The following GRIK1 variants were observed in gnomAD, a reference collection of about 807,000 sequenced individuals.
GRIK1 encodes the protein glutamate ionotropic receptor kainate type subunit 1.
In GRIK1, 69 loss-of-function variants were observed where a neutral mutation model predicts 105.7. The observed-to-expected ratio is 0.65, with a 90% CI of 0.54 to 0.80. The LOEUF (loss-of-function observed/expected upper bound fraction) is 0.80, where lower values mean the gene tolerates loss of function less well. Among genes scored for constraint, GRIK1 ranks in the 30% least tolerant of loss-of-function variants. The pLI, the probability that GRIK1 is intolerant of heterozygous loss-of-function variation, is 0.00. For missense variants in GRIK1, 1,109 were observed against 1,167.3 expected (o/e 0.95, Z 0.73); for synonymous variants, 438 against 431.3 (o/e 1.02, Z -0.19).
chr21:29,675,351 C>T (rs2063245349), intron 3 of GRIK1, among the ~76,000 whole-genome samples: 1 of 152,064 alleles, frequency 6.6e-6, no homozygotes, highest in Admixed American at 6.6e-5. Flanking sequence ...TTACCACCCA[C>T]CTGCTTTGCA....
intron 7 of GRIK1, among the ~76,000 whole-genome samples, chr21:29,638,430 C>T (rs1237021833): frequency 1.3e-5 from 2 of 152,178 alleles, no homozygotes; most frequent in African/African-American, 4.8e-5. Context: ...GGGTACCCCA[C>T]TCCACACGTG....
Position 29,591,231 on chromosome 21 carries a change from C to T in GRIK1, c.1252-6G>A. The T allele has an allele frequency of 1.3e-6, 2 of 1,502,770 alleles. No individual in the cohort carries two copies. Among genetic ancestry groups the T allele is most frequent in the Non-Finnish European group, 1.9e-6 (2 of 1,078,444 alleles). 93.1% of individuals were successfully genotyped at this position (1,502,770 alleles called of 1,614,324 possible). Reference sequence around the variant, plus strand: ...TTGGAATTCCAAATCCCAATCTACACAGAACACAGTACATCAGAGGCTGCT... The same window carrying T: ...TTGGAATTCCAAATCCCAATCTACATAGAACACAGTACATCAGAGGCTGCT... On this transcript the variant is annotated splice_region_variant and splice_polypyrimidine_tract_variant and intron_variant, in intron 9 of 17. Coordinates refer to ENST00000327783, the MANE Select transcript of GRIK1 (RefSeq NM_001330994.2).
At chr21:29,880,388 T>C (rs1302612204) in intron 1 of GRIK1, among the ~76,000 whole-genome samples, 1 of 152,152 alleles carries the variant, frequency 6.6e-6, no homozygotes, top group African/African-American at 2.4e-5. Flanking sequence ...TCTGGCAAGA[T>C]AGCAAATTCC....
At chr21:29,817,777 G>T (rs1364675847) in intron 1 of GRIK1, among the ~76,000 whole-genome samples, 1 of 152,108 alleles carries the variant, frequency 6.6e-6, no homozygotes, top group Non-Finnish European at 1.5e-5. Flanking sequence ...TGGTATTTAA[G>T]GGTTGTTTGT....
chr21:29,786,695 T>C (rs1265692640), intron 1 of GRIK1, among the ~76,000 whole-genome samples: 3 of 152,208 alleles, frequency 2.0e-5, no homozygotes, highest in Non-Finnish European at 4.4e-5. Flanking sequence ...TTGATGACTG[T>C]AGCACATGGA....
intron 16 of GRIK1, among the ~76,000 whole-genome samples, chr21:29,542,794 C>T (rs1427521122): frequency 1.3e-5 from 2 of 152,180 alleles, no homozygotes; most frequent in Non-Finnish European, 2.9e-5. Context: ...TCTGGCCTAG[C>T]CAATAATACA....
intron 14 of GRIK1, among the ~76,000 whole-genome samples, chr21:29,570,892 T>C (rs146043950): frequency 6.8e-6 from 1 of 147,582 alleles, no homozygotes; most frequent in East Asian, 2.2e-4. Flanking sequence ...AGGATGTCCA[T>C]TAAAGTTTCA....
chr21:29,666,259 T>C (rs2063057291), intron 4 of GRIK1, among the ~76,000 whole-genome samples: 1 of 152,044 alleles, frequency 6.6e-6, no homozygotes, highest in African/African-American at 2.4e-5. Context: ...CAACATTAGC[T>C]GGGCGTTGTG....
chr21:29,642,812 G>T lies in GRIK1; in HGVS notation c.1098+14C>A, dbSNP rs1434746968. On this transcript the variant is annotated intron_variant, in intron 7 of 17. Coordinates refer to ENST00000327783, the MANE Select transcript of GRIK1 (RefSeq NM_001330994.2). ...CTCAGAAGGGCCCCTGGGCTGTGAGGGAGCATCACTTGCCTCTTTGATCAG... is the reference window on the plus strand; with the variant it reads ...CTCAGAAGGGCCCCTGGGCTGTGAGTGAGCATCACTTGCCTCTTTGATCAG... The T allele has an allele frequency of 1.4e-5, 23 of 1,613,402 alleles. No homozygotes were observed. The highest frequency in any genetic ancestry group is 1.8e-5 in the Non-Finnish European group (21 of 1,179,382).
chr21:29,573,571 C>T (rs1011209013), intron 14 of GRIK1, among the ~76,000 whole-genome samples: 2 of 144,088 alleles, frequency 1.4e-5, no homozygotes, highest in African/African-American at 2.6e-5. Context: ...CTTAAGGGGC[C>T]GGGCGCAGTG....
chr21:29,557,317 G>T (rs991305179), intron 15 of GRIK1, among the ~76,000 whole-genome samples: 1 of 152,136 alleles, frequency 6.6e-6, no homozygotes, highest in African/African-American at 2.4e-5. Flanking sequence ...TCTTAGGAAT[G>T]ATACAGTCCA....
In GRIK1 at chr21:29,937,777, T is replaced by C. The variant is rs2071817873; in HGVS notation, c.118+1606A>G. Among the ~76,000 whole-genome samples, 4 of 142,938 alleles carry C rather than the reference T, an allele frequency of 2.8e-5. No individual in the cohort carries two copies. The Admixed American group carries it at 3.0e-4, about 11-fold the overall frequency. 93.8% of individuals were successfully genotyped at this position (142,938 alleles called of 152,430 possible). On this transcript the variant is annotated intron_variant, in intron 1 of 17. Coordinates refer to ENST00000327783, the MANE Select transcript of GRIK1 (RefSeq NM_001330994.2). ...AATTATAACACACACGCTCATTAGTTACTTTGTATTGTTCAGAATATTTTT... is the reference window on the plus strand; with the variant it reads ...AATTATAACACACACGCTCATTAGTCACTTTGTATTGTTCAGAATATTTTT...
At chr21:29,655,613 G>A (rs910659322) in intron 4 of GRIK1, among the ~76,000 whole-genome samples, 1 of 152,096 alleles carries the variant, frequency 6.6e-6, no homozygotes, top group Non-Finnish European at 1.5e-5. Context: ...GTCAATACTG[G>A]TATGTAGATA....
chr21:29,619,804 T>C (rs1206356058), intron 7 of GRIK1, among the ~76,000 whole-genome samples: 1 of 152,156 alleles, frequency 6.6e-6, no homozygotes, highest in African/African-American at 2.4e-5. Context: ...TGGATTTTGG[T>C]TTCCCACAGC....
intron 1 of GRIK1, among the ~76,000 whole-genome samples, chr21:29,935,331 G>T (rs749810893): frequency 2.0e-5 from 3 of 152,156 alleles, no homozygotes; most frequent in Middle Eastern, 3.2e-3. Context: ...ACCTCAAGGG[G>T]CAGATGCTGT....
At chr21:29,662,745 T>G (rs1369753206) in intron 4 of GRIK1, among the ~76,000 whole-genome samples, 4 of 152,204 alleles carry the variant, frequency 2.6e-5, no homozygotes, top group African/African-American at 7.2e-5. Flanking sequence ...CTTGACTTTG[T>G]TAATTTATCT....
At chr21:29,561,455 CTG>C (rs2090477839) in intron 15 of GRIK1, among the ~76,000 whole-genome samples, 167 bp downstream of exon 15, 1 of 152,186 alleles carries the variant, frequency 6.6e-6, no homozygotes, top group Non-Finnish European at 1.5e-5. Context: ...ATCTGGGAAT[CTG>C]TAATTCAGAC....
chr21:29,642,312 C>T (rs363595), intron 7 of GRIK1, among the ~76,000 whole-genome samples: 1,730 of 152,300 alleles, frequency 0.011, 62 homozygotes, highest in Admixed American at 0.073. Context: ...CTTTTATGTG[C>T]TCAGTAGGTT....
chr21:29,720,525 T>A (rs571012728), intron 1 of GRIK1, among the ~76,000 whole-genome samples: 1 of 152,160 alleles, frequency 6.6e-6, no homozygotes, highest in South Asian at 2.1e-4. Flanking sequence ...GCTGCGTGTG[T>A]GTATATGTGT....
Sources: allele counts gnomAD v4.1 joint callset (sites outside exome capture counted in the v4.1 genomes callset), GRCh38; gene constraint gnomAD v4.1.1; transcripts MANE v1.5; gene names NCBI Gene and HGNC (gene_info 2026-07-23, HGNC 2026-07-21).